GPR158: variants seen among roughly 807,000 people sequenced by gnomAD.
The protein encoded by GPR158 is G protein-coupled receptor 158.
GPR158 carries 30 observed loss-of-function variants against 78.2 expected under a neutral mutation model. The observed-to-expected ratio is 0.38, with a 90% CI of 0.29 to 0.52. The LOEUF is 0.52. GPR158 is among the 20% of genes least tolerant of loss of function. GPR158 has a pLI of 0.83. For missense variants in GPR158, 1,463 were observed against 1,523.5 expected, an observed-to-expected ratio of 0.96 and a Z score of 0.66; for synonymous variants, 581 against 591.1, an observed-to-expected ratio of 0.98 and a Z score of 0.25.
intron 2 of GPR158, among the ~76,000 whole-genome samples, chr10:25,384,709 A>G (rs904666550): frequency 1.9e-5 from 2 of 103,562 alleles, no homozygotes; most frequent in African/African-American, 7.4e-5. Flanking sequence ...CTGTTAAAAC[A>G]AGTCTTCCCT....
At chr10:25,473,550 C>T (rs1835539673) in intron 5 of GPR158, among the ~76,000 whole-genome samples, 1 of 152,054 alleles carries the variant, frequency 6.6e-6, no homozygotes. Context: ...CTCCTTGTAC[C>T]TCTGGTAGAA....
chr10:25,283,345 CTTTAA>C (rs1854302445), intron 2 of GPR158, among the ~76,000 whole-genome samples: 2 of 151,972 alleles, frequency 1.3e-5, no homozygotes, highest in African/African-American at 4.8e-5. Flanking sequence ...AATTTTCTCT[CTTTAA>C]TTCATAATGT....
intron 6 of GPR158, among the ~76,000 whole-genome samples, chr10:25,552,760 G>A (rs1362597998): frequency 6.6e-6 from 1 of 152,188 alleles, no homozygotes; most frequent in Non-Finnish European, 1.5e-5. Context: ...GACTCACTGT[G>A]CTGTACCTCA....
chr10:25,394,261 AT>A (rs778208394), intron 2 of GPR158, among the ~76,000 whole-genome samples: 77 of 152,302 alleles, frequency 5.1e-4, no homozygotes, highest in Non-Finnish European at 8.7e-4. Context: ...AGTTATTCTC[AT>A]TAATTAAAGA....
At chr10:25,256,900 G>A (rs1015293900) in intron 2 of GPR158, among the ~76,000 whole-genome samples, 1 of 152,002 alleles carries the variant, frequency 6.6e-6, no homozygotes, top group Admixed American at 6.6e-5. Flanking sequence ...AAATTAACAG[G>A]ATACGTTTAG....
At chr10:25,511,887 T>G (rs767030191) in intron 5 of GPR158, among the ~76,000 whole-genome samples, 28 of 152,198 alleles carry the variant, frequency 1.8e-4, no homozygotes, top group Non-Finnish European at 4.0e-4. Flanking sequence ...GTTTCATTGG[T>G]CTATGTGCCT....
chr10:25,314,905 T>C lies in GPR158; in HGVS notation c.1009-81006T>C, dbSNP rs1485462605. ...TATATATGACTAATGAGTTTACACA[T>C]ACACACACACACACACACACACACA... On this transcript the variant is annotated intron_variant, in intron 2 of 10. Transcript: ENST00000376351. Among the ~76,000 whole-genome samples the C allele has an allele frequency of 6.6e-5, 9 of 137,386 alleles. No homozygotes were observed. The South Asian group carries it at 2.1e-3, about 32-fold the overall frequency. 90.1% of individuals were successfully genotyped at this position (137,386 alleles called of 152,430 possible). A position where few individuals can be genotyped will look rare whatever the true frequency, so the allele number is the denominator to read the frequency against.
At chr10:25,582,015 G>A (rs1006631564) in intron 7 of GPR158, among the ~76,000 whole-genome samples, 23 of 152,138 alleles carry the variant, frequency 1.5e-4, no homozygotes, top group African/African-American at 5.6e-4. Flanking sequence ...CCAAGTGAAA[G>A]GGGTTTCCCT....
At chr10:25,593,788 T>G (rs1292550737) in intron 8 of GPR158, among the ~76,000 whole-genome samples, 1 of 152,092 alleles carries the variant, frequency 6.6e-6, no homozygotes, top group African/African-American at 2.4e-5. Context: ...ATTAGTATGT[T>G]TCATTAAATT....
intron 2 of GPR158, among the ~76,000 whole-genome samples, chr10:25,250,525 T>C (rs982800685): frequency 6.8e-6 from 1 of 146,576 alleles, no homozygotes; most frequent in Non-Finnish European, 1.5e-5. Context: ...TTTGTTCTCG[T>C]TGGTTTCAAA....
At chr10:25,544,746 A>T (rs1457140103) in intron 5 of GPR158, among the ~76,000 whole-genome samples, 1 of 152,204 alleles carries the variant, frequency 6.6e-6, no homozygotes, top group East Asian at 1.9e-4. Context: ...TTTGGGATAC[A>T]TGTGAAGAAC....
chr10:25,325,803 T>G (rs1188823529), intron 2 of GPR158, among the ~76,000 whole-genome samples: 3 of 152,184 alleles, frequency 2.0e-5, no homozygotes, highest in Non-Finnish European at 1.5e-5. Context: ...ATAACCATTC[T>G]AACAAGTGTG....
chr10:25,332,280 CTT>C (rs1290798655), intron 2 of GPR158, among the ~76,000 whole-genome samples: 1 of 151,950 alleles, frequency 6.6e-6, no homozygotes, highest in Non-Finnish European at 1.5e-5. Context: ...TGGCAAAAGA[CTT>C]TGATGAAGAT....
chr10:25,366,201 G>T (rs1040321702), intron 2 of GPR158, among the ~76,000 whole-genome samples: 1 of 151,142 alleles, frequency 6.6e-6, no homozygotes, highest in East Asian at 1.9e-4. Context: ...ATTTATTTTT[G>T]CATTTATATT....
chr10:25,524,068 T>A (rs564989754), intron 5 of GPR158, among the ~76,000 whole-genome samples: 1 of 152,158 alleles, frequency 6.6e-6, no homozygotes, highest in East Asian at 1.9e-4. Context: ...AATGAAACAA[T>A]TCCATTAGAA....
intron 2 of GPR158, among the ~76,000 whole-genome samples, chr10:25,338,627 T>TTATTATATTTTAA (rs1855261054): frequency 1.7e-5 from 1 of 59,454 alleles, no homozygotes; most frequent in Non-Finnish European, 8.0e-5. Context: ...TATAAATATA[T>TTATTATATTTTAA]AAGCTCTGCT....
chr10:25,593,745 A>G (rs1419331295), intron 8 of GPR158, among the ~76,000 whole-genome samples: 1 of 152,092 alleles, frequency 6.6e-6, no homozygotes, highest in Admixed American at 6.6e-5. Flanking sequence ...ATAATTTAGA[A>G]CAATTTATTT....
intron 1 of GPR158, among the ~76,000 whole-genome samples, chr10:25,198,130 G>T (rs1852868353): frequency 1.3e-5 from 2 of 152,174 alleles, no homozygotes; most frequent in African/African-American, 4.8e-5. Flanking sequence ...ACCTGCAGAA[G>T]CCCCAAAACA....
chr10:25,411,933 C>CAAAA (rs1164005677), intron 3 of GPR158, among the ~76,000 whole-genome samples: 8 of 47,468 alleles, frequency 1.7e-4, no homozygotes, highest in Non-Finnish European at 2.2e-4. Context: ...GACTCTATCA[C>CAAAA]AAAAAAAAAA....
Sources: allele counts gnomAD v4.1 joint callset (sites outside exome capture counted in the v4.1 genomes callset), GRCh38; gene constraint gnomAD v4.1.1; transcripts MANE v1.5; gene names NCBI Gene and HGNC (gene_info 2026-07-23, HGNC 2026-07-21).